The following PREX1 variants were observed in gnomAD, a reference collection of about 807,000 sequenced individuals.
PREX1 encodes the protein phosphatidylinositol-3,4,5-trisphosphate dependent Rac exchange factor 1, also known as phosphatidylinositol 3,4,5-trisphosphate-dependent Rac exchanger 1 protein.
In PREX1, 41 loss-of-function variants were observed where a neutral mutation model predicts 198.3. The ratio of observed to expected loss-of-function variants is 0.21; its 90% CI spans 0.16 to 0.27. PREX1 has a LOEUF of 0.27. PREX1 is among the 10% of genes least tolerant of loss of function. PREX1 has a pLI of 1.00. For missense variants in PREX1, 1,620 were observed against 2,200.7 expected, an observed-to-expected ratio of 0.74 and a Z score of 5.28; for synonymous variants, 843 against 887.2, an observed-to-expected ratio of 0.95 and a Z score of 0.89.
At position 48,661,326 on chromosome 20, in the gene PREX1, G is replaced by GGAGAACT. The variant is rs1368226922; in HGVS notation, c.1739-1272_1739-1266dup. On this transcript the variant is annotated intron_variant, in intron 15 of 39. Transcript: ENST00000371941. ...CCCAGCTACTCGCAAGGCTGAGGCA[G>GGAGAACT]GAGAACTGCTTGAACCCGGGAGGTG... Among the ~76,000 whole-genome samples the GGAGAACT allele has an allele frequency of 4.1e-5, 6 of 145,610 alleles. No homozygotes were observed. In the Admixed American group the frequency reaches 4.2e-4, roughly 10 times the overall value.
intron 1 of PREX1, among the ~76,000 whole-genome samples, chr20:48,809,568 G>A (rs558023717): frequency 3.2e-4 from 48 of 152,308 alleles, no homozygotes; most frequent in East Asian, 5.8e-4. Context: ...ACAACCAGCC[G>A]GCTCTTGCCA....
the PREX1 span, among the ~76,000 whole-genome samples, chr20:48,887,411 A>C: frequency 1.3e-5 from 2 of 152,122 alleles, no homozygotes; most frequent in Non-Finnish European, 2.9e-5. Flanking sequence ...AACCTGGCCA[A>C]CATGGTTGAC....
chr20:48,637,786 G>T (rs1414195141), intron 30 of PREX1, 34 bp from the exon 31 acceptor site: 8 of 1,589,616 alleles, frequency 5.0e-6, no homozygotes, highest in Non-Finnish European at 6.9e-6. Flanking sequence ...AGGGGGACGG[G>T]CTGGGAGGGG....
intron 7 of PREX1, among the ~76,000 whole-genome samples, chr20:48,697,572 G>T (rs988966136): frequency 3.3e-5 from 5 of 151,786 alleles, no homozygotes; most frequent in Non-Finnish European, 7.4e-5. Flanking sequence ...TAGTAGAGAT[G>T]GGGGGGTTTC....
At chr20:48,723,708 G>A (rs534958061) in intron 5 of PREX1, among the ~76,000 whole-genome samples, 2 of 152,254 alleles carry the variant, frequency 1.3e-5, no homozygotes, top group South Asian at 4.1e-4. Flanking sequence ...ACGGGTCGCC[G>A]GGCGGTTCTG....
chr20:48,872,098 G>A, the PREX1 span, among the ~76,000 whole-genome samples: 7 of 102,536 alleles, frequency 6.8e-5, no homozygotes, highest in African/African-American at 2.2e-4. Flanking sequence ...GACGGAGCTT[G>A]CAGTGAGCCG....
rs369719623 is a variant in PREX1, at chr20:48,744,505, C to T, written c.414+520G>A. ...GGAAAAGCAGTTGCCTTCCTTCTTC[C>T]AGCCTACCACCCACAATTCCAAATG... On this transcript the variant is annotated intron_variant, in intron 3 of 39. Coordinates refer to ENST00000371941, the MANE Select transcript of PREX1 (RefSeq NM_020820.4). 3.3e-4 allele frequency among the ~76,000 whole-genome samples: 51 copies of T among 152,308 alleles called. No homozygotes were observed. The East Asian group carries it at 3.9e-3, about 12-fold the overall frequency.
intron 1 of PREX1, among the ~76,000 whole-genome samples, chr20:48,759,564 A>G (rs181479851): frequency 0.021 from 3,242 of 151,006 alleles, 57 homozygotes; most frequent in Non-Finnish European, 0.033. Context: ...AAAAAAAAAA[A>G]AAAAGAAAAG....
intron 1 of PREX1, among the ~76,000 whole-genome samples, chr20:48,790,311 A>G (rs1168022018): frequency 2.0e-5 from 3 of 151,994 alleles, no homozygotes; most frequent in African/African-American, 7.3e-5. Context: ...TCTAGGGCTG[A>G]CCCAGTCTAA....
At chr20:48,663,441 C>A (rs2089611673) in intron 15 of PREX1, among the ~76,000 whole-genome samples, 1 of 152,170 alleles carries the variant, frequency 6.6e-6, no homozygotes, top group Non-Finnish European at 1.5e-5. Flanking sequence ...GCAGGAGAAT[C>A]ACTTGAACCT....
In PREX1 at chr20:48,662,971, G is replaced by A. The variant is rs545416747; in HGVS notation, c.1739-2910C>T. Among the ~76,000 whole-genome samples the A allele has an allele frequency of 9.2e-5, 14 of 152,306 alleles. No homozygotes were observed. The East Asian group carries it at 9.7e-4, about 11-fold the overall frequency. Reference sequence around the variant, plus strand: ...GAGAGGTTGTGCCCAGCTGACTGGCGGGAGGCTCGGGGCTGTCAGAGGGCC... The same window carrying A: ...GAGAGGTTGTGCCCAGCTGACTGGCAGGAGGCTCGGGGCTGTCAGAGGGCC... On this transcript the variant is annotated intron_variant, in intron 15 of 39. Transcript: ENST00000371941.
At chr20:48,873,554 C>CAAAAAAAAAAAA in the PREX1 span, among the ~76,000 whole-genome samples, 2 of 70,098 alleles carry the variant, frequency 2.9e-5, no homozygotes, top group Non-Finnish European at 5.6e-5. Context: ...AGTAAAAATA[C>CAAAAAAAAAAAA]AAAAAAAAAA....
At chr20:48,820,080 G>C (rs2090477878) in intron 1 of PREX1, among the ~76,000 whole-genome samples, 1 of 152,236 alleles carries the variant, frequency 6.6e-6, no homozygotes, top group South Asian at 2.1e-4. Flanking sequence ...GGGATCGTCT[G>C]TCAGTTCCAT....
intron 4 of PREX1, among the ~76,000 whole-genome samples, chr20:48,727,956 A>G (rs2090017156): frequency 6.6e-6 from 1 of 152,156 alleles, no homozygotes; most frequent in African/African-American, 2.4e-5. Flanking sequence ...CATGCCCTTC[A>G]CAGTCCTGGG....
intron 1 of PREX1, among the ~76,000 whole-genome samples, chr20:48,816,029 G>GAA (rs35288307): frequency 9.6e-5 from 12 of 124,630 alleles, no homozygotes; most frequent in East Asian, 2.6e-4. Context: ...AGAAAAAAAG[G>GAA]AAAAAAAAAA....
chr20:48,628,062 C>T, intron 37 of PREX1, 99 bp from the exon 38 acceptor site: 1 of 873,466 alleles, frequency 1.1e-6, no homozygotes, highest in Non-Finnish European at 1.8e-6. Context: ...GCTGGGGCAA[C>T]TTCCTGTCCC....
chr20:48,693,485 A>G (rs560060707), intron 7 of PREX1, among the ~76,000 whole-genome samples: 3 of 152,322 alleles, frequency 2.0e-5, no homozygotes, highest in African/African-American at 7.2e-5. Flanking sequence ...AGACGGCACC[A>G]TCTATGAAGC....
intron 6 of PREX1, among the ~76,000 whole-genome samples, chr20:48,706,211 A>G (rs942316422): frequency 2.0e-5 from 3 of 152,222 alleles, no homozygotes; most frequent in Admixed American, 1.3e-4. Context: ...GAAAAAAGGC[A>G]TCTGGAAATC....
chr20:48,661,444 A>AAATATATAT (rs1555832820), intron 15 of PREX1, among the ~76,000 whole-genome samples: 3 of 49,596 alleles, frequency 6.0e-5, no homozygotes, highest in African/African-American at 3.7e-4. Flanking sequence ...AAAAAAAAAA[A>AAATATATAT]ATATATATAT....
Sources: allele counts gnomAD v4.1 joint callset (sites outside exome capture counted in the v4.1 genomes callset), GRCh38; gene constraint gnomAD v4.1.1; transcripts MANE v1.5; gene names NCBI Gene and HGNC (gene_info 2026-07-23, HGNC 2026-07-21).